The following TSHZ3 variants were observed in gnomAD, a reference collection of about 807,000 sequenced individuals.
TSHZ3 encodes the protein teashirt homolog 3.
A neutral mutation model predicts 64.5 loss-of-function variants in TSHZ3; 10 were observed. That is an observed-to-expected ratio of 0.16 (90% CI 0.10 to 0.26). The LOEUF (loss-of-function observed/expected upper bound fraction) is 0.26. TSHZ3 is among the 10% of genes least tolerant of loss of function. The pLI, the probability that TSHZ3 is intolerant of heterozygous loss-of-function variation, is 1.00. For synonymous variants in TSHZ3, 608 were observed against 593.1 expected (o/e 1.03, Z -0.36); for missense variants, 1,242 against 1,421.7 (o/e 0.87, Z 2.03).
chr19:31,228,880 G>A (rs1368490797), intron 3 of TSHZ3, among the ~76,000 whole-genome samples: 2 of 152,070 alleles, frequency 1.3e-5, no homozygotes, highest in African/African-American at 2.4e-5. Flanking sequence ...TCAAAGGAGG[G>A]GCATGCACTA....
At chr19:31,197,679 T>A (rs1267754357) in intron 5 of TSHZ3, among the ~76,000 whole-genome samples, 1 of 151,926 alleles carries the variant, frequency 6.6e-6, no homozygotes, top group Admixed American at 6.6e-5. Flanking sequence ...ATAAGCAATC[T>A]ATGTCCACAA....
At chr19:31,231,262 A>T (rs962963044) in intron 3 of TSHZ3, among the ~76,000 whole-genome samples, 1 of 152,062 alleles carries the variant, frequency 6.6e-6, no homozygotes, top group African/African-American at 2.4e-5. Flanking sequence ...GGATGGTGGC[A>T]CGATGATGTG....
At chr19:31,289,154 A>G (rs1444528734) in intron 1 of TSHZ3, among the ~76,000 whole-genome samples, 2 of 152,222 alleles carry the variant, frequency 1.3e-5, no homozygotes, top group Non-Finnish European at 2.9e-5. Context: ...TGCTCCACAC[A>G]GCTCCACACA....
intron 1 of TSHZ3, among the ~76,000 whole-genome samples, chr19:31,285,142 T>C (rs1243139801): frequency 2.0e-5 from 3 of 151,974 alleles, no homozygotes; most frequent in African/African-American, 4.8e-5. Flanking sequence ...TCTCCTTGCA[T>C]TGGAGCCTGC....
intron 1 of TSHZ3, among the ~76,000 whole-genome samples, chr19:31,269,477 C>T (rs1976104242): frequency 1.3e-5 from 2 of 151,792 alleles, no homozygotes; most frequent in African/African-American, 4.8e-5. Flanking sequence ...TCTCTTGGCT[C>T]AAGTTTACCC....
intron 1 of TSHZ3, among the ~76,000 whole-genome samples, chr19:31,299,534 G>A (rs1361329350): frequency 6.6e-6 from 1 of 152,120 alleles, no homozygotes. Flanking sequence ...TAGAAGGGCC[G>A]CTTTCTGGAT....
chr19:31,292,180 T>C (rs954509690), intron 1 of TSHZ3, among the ~76,000 whole-genome samples: 1 of 152,192 alleles, frequency 6.6e-6, no homozygotes, highest in East Asian at 1.9e-4. Context: ...AGTAACTTCA[T>C]CCAAAGAAAG....
chr19:31,274,126 A>G (rs1240335901), downstream of TSHZ3, among the ~76,000 whole-genome samples: 1 of 152,060 alleles, frequency 6.6e-6, no homozygotes, highest in African/African-American at 2.4e-5. Context: ...AATTTTTAAT[A>G]AAATATGTGT....
intron 3 of TSHZ3, among the ~76,000 whole-genome samples, chr19:31,237,998 T>C (rs1279782335): frequency 6.6e-6 from 1 of 152,192 alleles, no homozygotes; most frequent in African/African-American, 2.4e-5. Flanking sequence ...TGCTGATATT[T>C]ATTTTATGAC....
intron 1 of TSHZ3, among the ~76,000 whole-genome samples, chr19:31,333,991 A>G (rs1327550261): frequency 6.6e-6 from 1 of 152,120 alleles, no homozygotes; most frequent in African/African-American, 2.4e-5. Flanking sequence ...CTCCCCACCC[A>G]CACTACATCA....
intron 5 of TSHZ3, among the ~76,000 whole-genome samples, chr19:31,186,339 A>G (rs1386266843): frequency 6.6e-6 from 1 of 152,200 alleles, no homozygotes; most frequent in Non-Finnish European, 1.5e-5. Context: ...GGAAGGTAAT[A>G]GAATCATGGG....
At chr19:31,350,101 G>A (rs2021669485), upstream of TSHZ3, among the ~76,000 whole-genome samples, 1 of 133,736 alleles carries the variant, frequency 7.5e-6, no homozygotes, top group South Asian at 2.5e-4. Flanking sequence ...GCCCCACCCG[G>A]CTCGCACTCC....
At chr19:31,167,575 C>T (rs567962566) in intron 5 of TSHZ3, 1 of 152,022 alleles carries the variant, frequency 6.6e-6, no homozygotes, top group Non-Finnish European at 1.5e-5. Flanking sequence ...AAAGAAAGAG[C>T]AACAGGAAAG....
intron 1 of TSHZ3, among the ~76,000 whole-genome samples, chr19:31,314,859 C>T (rs927828075): frequency 2.6e-5 from 4 of 152,206 alleles, no homozygotes; most frequent in Admixed American, 2.6e-4. Flanking sequence ...GGGGAAGGCT[C>T]AGCTCATGGC....
intron 1 of TSHZ3, among the ~76,000 whole-genome samples, chr19:31,253,750 C>T (rs780445211): frequency 2.0e-5 from 3 of 152,180 alleles, no homozygotes; most frequent in Non-Finnish European, 2.9e-5. Flanking sequence ...TGATGACATA[C>T]TTCTACCTCG....
At chr19:31,322,368 T>G (rs1442562330) in intron 1 of TSHZ3, among the ~76,000 whole-genome samples, 1 of 152,202 alleles carries the variant, frequency 6.6e-6, no homozygotes, top group Non-Finnish European at 1.5e-5. Context: ...AACTCCTGCC[T>G]TTGCCTCCCA....
chr19:31,266,632 C>A (rs1976057081), intron 1 of TSHZ3, among the ~76,000 whole-genome samples: 1 of 152,106 alleles, frequency 6.6e-6, no homozygotes. Context: ...GCCAGGAAGG[C>A]AAGAGAGCAA....
intron 1 of TSHZ3, among the ~76,000 whole-genome samples, chr19:31,258,741 C>A (rs1345772421): frequency 6.6e-6 from 1 of 152,210 alleles, no homozygotes; most frequent in Non-Finnish European, 1.5e-5. Context: ...CGGAGACTAG[C>A]TGTCAATCAA....
At chr19:31,273,420 G>T (rs1460293981), downstream of TSHZ3, among the ~76,000 whole-genome samples, 1 of 152,188 alleles carries the variant, frequency 6.6e-6, no homozygotes, top group African/African-American at 2.4e-5. Context: ...CCCAGAAGAT[G>T]ATCCTGGGAG....
Sources: allele counts gnomAD v4.1 joint callset (sites outside exome capture counted in the v4.1 genomes callset), GRCh38; gene constraint gnomAD v4.1.1; transcripts MANE v1.5; gene names NCBI Gene and HGNC (gene_info 2026-07-23, HGNC 2026-07-21).